Variants in TG observed in about 807,000 individuals in gnomAD.
TG encodes thyroid hormones.
Under a neutral mutation model 324.7 loss-of-function variants are expected in TG, and 270 were observed. The ratio of observed to expected loss-of-function variants is 0.83; its 90% CI spans 0.75 to 0.92. TG has a LOEUF of 0.92. TG is among the 40% of genes least tolerant of loss of function. The pLI is 0.00. For missense variants in TG, 3,591 were observed against 3,456.4 expected (o/e 1.04, Z -0.98); for synonymous variants, 1,401 against 1,327.0 (o/e 1.06, Z -1.21).
At chr8:133,109,442 G>T (rs1261101166) in intron 43 of TG, among the ~76,000 whole-genome samples, 1 of 152,192 alleles carries the variant, frequency 6.6e-6, no homozygotes, top group Non-Finnish European at 1.5e-5. Context: ...TTAAAAGTAC[G>T]AGAGAACATT....
chr8:132,962,861 T>A, intron 28 of TG, 133 bp from the exon 29 acceptor site: 2 of 796,500 alleles, frequency 2.5e-6, no homozygotes, highest in Admixed American at 1.7e-5. Flanking sequence ...TGTCAGGGCA[T>A]CTGTTGCAGA....
At position 132,900,754 on chromosome 8, in the gene TG, GC is replaced by G. The variant is rs574212275; in HGVS notation, c.3433+417del. On this transcript the variant is annotated intron_variant, in intron 15 of 47. Transcript: ENST00000220616. ...CATAAATGCTCCCATCATCTTCGGG[GC>G]CGTGCTTGAGCTCCCTGGAATGGCT... is the stretch of plus-strand genomic sequence containing the variant. Among the ~76,000 whole-genome samples, 417 of 152,334 alleles carry G rather than the reference GC, an allele frequency of 2.7e-3. 1 individual carries two copies. The highest frequency in any genetic ancestry group is 9.3e-3 in the African/African-American group (388 of 41,572).
chr8:132,966,510 A>C, intron 29 of TG, 50 bp from the exon 30 acceptor site: 1 of 1,610,822 alleles, frequency 6.2e-7, no homozygotes, highest in Non-Finnish European at 8.5e-7. Flanking sequence ...TTTTTCTCAT[A>C]TTCACTAGAG....
At chr8:133,096,819 A>G (rs528841839) in intron 43 of TG, among the ~76,000 whole-genome samples, 67 of 152,330 alleles carry the variant, frequency 4.4e-4, no homozygotes, top group African/African-American at 1.5e-3. Flanking sequence ...TAAATTTCCT[A>G]GTAAAGAGAG....
chr8:133,072,020 C>T (rs528227298), intron 41 of TG, among the ~76,000 whole-genome samples: 1 of 152,280 alleles, frequency 6.6e-6, no homozygotes, highest in African/African-American at 2.4e-5. Flanking sequence ...TCCAGGGAAG[C>T]CTGGACCGTC....
chr8:132,879,329 C>T (rs893368542), intron 5 of TG, among the ~76,000 whole-genome samples: 3 of 152,148 alleles, frequency 2.0e-5, no homozygotes, highest in African/African-American at 7.2e-5. Context: ...TGTTGTTGAA[C>T]GAGCACTGGA....
At chr8:133,092,440 T>C (rs1847711743) in intron 41 of TG, among the ~76,000 whole-genome samples, 1 of 152,250 alleles carries the variant, frequency 6.6e-6, no homozygotes, top group Non-Finnish European at 1.5e-5. Flanking sequence ...AGCCCAGGGC[T>C]GTGGACCTAC....
intron 41 of TG, among the ~76,000 whole-genome samples, chr8:133,071,416 G>C: frequency 6.6e-6 from 1 of 152,164 alleles, no homozygotes; most frequent in East Asian, 1.9e-4. Context: ...AGGGATGGAG[G>C]GCAGCTTAAA....
chr8:133,134,075 TA>T (rs1385537639), intron 47 of TG, among the ~76,000 whole-genome samples: 1 of 152,250 alleles, frequency 6.6e-6, no homozygotes, highest in African/African-American at 2.4e-5. Context: ...TGGGCATTTC[TA>T]CCTCTTCCTG....
chr8:132,957,312 T>G (rs553403755), intron 27 of TG, among the ~76,000 whole-genome samples: 7 of 151,756 alleles, frequency 4.6e-5, no homozygotes, highest in Non-Finnish European at 5.9e-5. Flanking sequence ...AAACCAAGGA[T>G]GAACTTAAGA....
intron 26 of TG, 76 bp downstream of exon 26, chr8:132,941,618 C>T (rs1233413267): frequency 5.2e-6 from 8 of 1,538,596 alleles, no homozygotes; most frequent in Middle Eastern, 2.1e-4. Flanking sequence ...GGACACACAA[C>T]ATGGAGCTGC....
intron 20 of TG, among the ~76,000 whole-genome samples, chr8:132,916,516 T>C (rs562192986): frequency 1.6e-3 from 247 of 152,352 alleles, no homozygotes; most frequent in African/African-American, 5.6e-3. Flanking sequence ...CAGAGCACTG[T>C]CCTGTGGCAA....
At chr8:133,050,240 G>C (rs180903464) in intron 41 of TG, 2 of 510,042 alleles carry the variant, frequency 3.9e-6, no homozygotes, top group Non-Finnish European at 3.5e-6. Context: ...TGCTTTTCAG[G>C]GATTAGCAGC....
In TG at chr8:132,925,308, G is replaced by A. The variant is rs756155371; in HGVS notation, c.4699+1800G>A. 6.8e-4 allele frequency among the ~76,000 whole-genome samples: 104 copies of A among 152,228 alleles called. No individual in the cohort carries two copies. The Middle Eastern group carries it at 0.01, about 15-fold the overall frequency. On this transcript the variant is annotated intron_variant, in intron 22 of 47. Transcript: ENST00000220616. Reference sequence around the variant, plus strand: ...TTTGTATTCTTCATTCTACCAATCTGTTTCCACCTAGATTTACCTGCTTCC... The same window carrying A: ...TTTGTATTCTTCATTCTACCAATCTATTTCCACCTAGATTTACCTGCTTCC...
At position 132,966,592 on chromosome 8, in the gene TG, C is replaced by T; in HGVS notation, c.5581C>T (p.Leu1861Phe). The part of the protein sequence containing the change: ...LTTELFSPVD[L>F]NQVIVNGNQS... ...AACAGAACTTTTCTCCCCTGTGGAC[C>T]TCAACCAGGTCATTGTCAATGGAAA... The change falls in exon 30 of 48, where the codon CTC (leucine) becomes TTC (phenylalanine). Residue 1861 changes from leucine to phenylalanine, a missense_variant. Leu to Phe is a conservative substitution (Grantham distance 22). Coordinates refer to ENST00000220616, the MANE Select transcript of TG (RefSeq NM_003235.5). The T allele has an allele frequency of 6.2e-7, 1 of 1,614,086 alleles. No homozygotes were observed.
intron 41 of TG, chr8:133,049,223 A>G (rs1483042297): frequency 2.3e-6 from 1 of 443,506 alleles, no homozygotes; most frequent in Non-Finnish European, 4.5e-6. Flanking sequence ...TTATCTGTTG[A>G]GCCTAGTTTT....
intron 20 of TG, among the ~76,000 whole-genome samples, chr8:132,916,797 A>AT (rs1281631134): frequency 1.3e-5 from 2 of 152,204 alleles, no homozygotes; most frequent in African/African-American, 4.8e-5. Context: ...AGATTAGTTT[A>AT]TGAAGGAGAA....
At chr8:132,892,247 T>A (rs1380312000) in intron 10 of TG, among the ~76,000 whole-genome samples, 1 of 152,184 alleles carries the variant, frequency 6.6e-6, no homozygotes, top group African/African-American at 2.4e-5. Flanking sequence ...TATCCATGCA[T>A]CCATCCATCC....
At chr8:133,095,014 C>T (rs1848190519) in intron 41 of TG, 30 bp from the exon 42 acceptor site, 1 of 1,612,332 alleles carries the variant, frequency 6.2e-7, no homozygotes, top group Non-Finnish European at 8.5e-7. Flanking sequence ...TGATCTGAAC[C>T]ATCTGCCCTG....
Sources: gnomAD v4.1 joint callset for allele counts (sites outside exome capture counted in the v4.1 genomes callset) on GRCh38, gnomAD v4.1.1 for gene constraint, MANE v1.5 for transcripts, NCBI Gene and HGNC (gene_info 2026-07-23, HGNC 2026-07-21) for gene names.